AGBL1: variants seen among roughly 807,000 people sequenced by gnomAD.
The protein encoded by AGBL1 is cytosolic carboxypeptidase 4.
In AGBL1, 130 loss-of-function variants were observed where a neutral mutation model predicts 118.9. The ratio of observed to expected loss-of-function variants is 1.09; its 90% CI spans 0.95 to 1.26. The LOEUF is 1.26. AGBL1 is among the 50% of genes most tolerant of loss of function. The pLI is 0.00. For synonymous variants in AGBL1, 555 were observed against 478.9 expected (o/e 1.16, Z -2.08); for missense variants, 1,584 against 1,298.1 (o/e 1.22, Z -3.38).
At chr15:86,627,598 A>G (rs1011486891) in intron 21 of AGBL1, among the ~76,000 whole-genome samples, 1 of 152,228 alleles carries the variant, frequency 6.6e-6, no homozygotes, top group African/African-American at 2.4e-5. Context: ...GCAAATTCCA[A>G]AAAGCTTACA....
intron 22 of AGBL1, among the ~76,000 whole-genome samples, chr15:86,849,828 C>T (rs2079379797): frequency 6.6e-6 from 1 of 152,218 alleles, no homozygotes; most frequent in South Asian, 2.1e-4. Context: ...GGTTCTCCTG[C>T]CTCAGCAACA....
At chr15:86,560,493 T>C (rs2083801580) in intron 21 of AGBL1, among the ~76,000 whole-genome samples, 1 of 152,220 alleles carries the variant, frequency 6.6e-6, no homozygotes, top group Non-Finnish European at 1.5e-5. Context: ...AGCTGCATAG[T>C]ATTCCTTGGT....
chr15:86,826,109 T>G (rs1185574997), intron 22 of AGBL1, among the ~76,000 whole-genome samples: 1 of 152,182 alleles, frequency 6.6e-6, no homozygotes, highest in African/African-American at 2.4e-5. Context: ...TCTCCAGTTT[T>G]GCTTGTACTT....
At chr15:86,390,190 A>C (rs1246603235) in intron 17 of AGBL1, among the ~76,000 whole-genome samples, 1 of 152,222 alleles carries the variant, frequency 6.6e-6, no homozygotes, top group Non-Finnish European at 1.5e-5. Flanking sequence ...AAGTTCAGTT[A>C]AGCAGGGAAA....
chr15:86,781,167 T>G (rs1375835144), intron 22 of AGBL1, among the ~76,000 whole-genome samples: 1 of 152,200 alleles, frequency 6.6e-6, no homozygotes, highest in Admixed American at 6.5e-5. Context: ...TTTCAAGTTC[T>G]CTCTGTCATT....
intron 22 of AGBL1, among the ~76,000 whole-genome samples, chr15:86,862,587 G>A (rs2079573601): frequency 6.6e-6 from 1 of 152,122 alleles, no homozygotes; most frequent in Non-Finnish European, 1.5e-5. Context: ...CGGGCGTGAT[G>A]ACATATGCCT....
intron 22 of AGBL1, among the ~76,000 whole-genome samples, chr15:86,765,278 T>G (rs940933953): frequency 6.6e-6 from 1 of 151,968 alleles, no homozygotes; most frequent in African/African-American, 2.4e-5. Flanking sequence ...CAAATAATCA[T>G]TGTGCTCCTA....
At chr15:86,731,461 A>G (rs949782503) in intron 22 of AGBL1, among the ~76,000 whole-genome samples, 9 of 152,204 alleles carry the variant, frequency 5.9e-5, no homozygotes, top group African/African-American at 2.2e-4. Flanking sequence ...ATTGTCACCA[A>G]CAATAAATAT....
chr15:86,400,013 GA>G (rs2081421579), intron 18 of AGBL1, among the ~76,000 whole-genome samples: 1 of 152,146 alleles, frequency 6.6e-6, no homozygotes, highest in African/African-American at 2.4e-5. Flanking sequence ...ACATCATTAT[GA>G]AAAAACTTGA....
At chr15:86,688,381 G>C (rs2086101835) in intron 22 of AGBL1, among the ~76,000 whole-genome samples, 1 of 152,098 alleles carries the variant, frequency 6.6e-6, no homozygotes, top group African/African-American at 2.4e-5. Context: ...AATGAATTCA[G>C]GGTTTTCAAA....
chr15:86,120,006 G>A lies in AGBL1; in HGVS notation c.52-21998G>A, dbSNP rs115306414. 2.2e-3 allele frequency among the ~76,000 whole-genome samples: 336 copies of A among 152,084 alleles called. 1 individual carries two copies. Among genetic ancestry groups the A allele is most frequent in the African/African-American group, 7.6e-3 (315 of 41,476 alleles). On this transcript the variant is annotated intron_variant, in intron 1 of 22. Coordinates refer to ENST00000614907, the MANE Select transcript of AGBL1 (RefSeq NM_001386094.1). ...ATGTACACATTATTCATTCATTCTC[G>A]CACTCATTCATCTACTCATTCATTC...
At chr15:86,270,786 TTGG>T (rs1321658689) in intron 14 of AGBL1, among the ~76,000 whole-genome samples, 1 of 152,200 alleles carries the variant, frequency 6.6e-6, no homozygotes, top group Non-Finnish European at 1.5e-5. Flanking sequence ...TGTCACAAAC[TTGG>T]TGGTTGAAAA....
chr15:86,921,120 C>T (rs531513095), downstream of AGBL1, among the ~76,000 whole-genome samples: 1 of 152,236 alleles, frequency 6.6e-6, no homozygotes, highest in African/African-American at 2.4e-5. Flanking sequence ...GGTGGTTATA[C>T]ATTGGTTTGA....
intron 21 of AGBL1, among the ~76,000 whole-genome samples, chr15:86,563,385 C>G (rs2083859616): frequency 1.3e-5 from 2 of 152,120 alleles, no homozygotes; most frequent in South Asian, 2.1e-4. Flanking sequence ...TTATTTCTGC[C>G]TTCATTTCGT....
intron 5 of AGBL1, among the ~76,000 whole-genome samples, chr15:86,218,185 C>A (rs1456310266): frequency 1.3e-5 from 2 of 152,052 alleles, no homozygotes; most frequent in African/African-American, 4.8e-5. Flanking sequence ...GCTAGGGTGA[C>A]AACAGCAGAG....
chr15:86,133,768 A>G (rs2076849554), intron 1 of AGBL1, among the ~76,000 whole-genome samples: 1 of 152,202 alleles, frequency 6.6e-6, no homozygotes, highest in Non-Finnish European at 1.5e-5. Context: ...CTCTCAGCAA[A>G]GATCTTGTTG....
chr15:86,465,382 G>A (rs182490590), intron 18 of AGBL1, among the ~76,000 whole-genome samples: 120 of 152,226 alleles, frequency 7.9e-4, no homozygotes, highest in African/African-American at 2.6e-3. Context: ...TTTGTAAAGC[G>A]TGTGTGTTTG....
At chr15:86,370,703 G>A (rs538862815) in intron 17 of AGBL1, among the ~76,000 whole-genome samples, 1 of 152,266 alleles carries the variant, frequency 6.6e-6, no homozygotes, top group South Asian at 2.1e-4. Flanking sequence ...CTGCTCTCAT[G>A]GCACATCTCC....
intron 21 of AGBL1, among the ~76,000 whole-genome samples, chr15:86,596,253 C>T (rs773087503): frequency 1.3e-5 from 2 of 152,018 alleles, no homozygotes; most frequent in Admixed American, 6.6e-5. Flanking sequence ...TCATTTATTG[C>T]CCTTCAACAA....
Sources: gnomAD v4.1 joint callset for allele counts (sites outside exome capture counted in the v4.1 genomes callset) on GRCh38, gnomAD v4.1.1 for gene constraint, MANE v1.5 for transcripts, NCBI Gene and HGNC (gene_info 2026-07-23, HGNC 2026-07-21) for gene names.